CLIP1: variants seen among roughly 807,000 people sequenced by gnomAD.
The protein encoded by CLIP1 is CAP-Gly domain containing linker protein 1.
In CLIP1, 66 loss-of-function variants were observed where a neutral mutation model predicts 161.6. The observed-to-expected ratio is 0.41, with a 90% CI of 0.33 to 0.50. The LOEUF (loss-of-function observed/expected upper bound fraction) is 0.50, where lower values mean the gene tolerates loss of function less well. Ranked by LOEUF, CLIP1 falls within the 20% of genes least tolerant of loss-of-function variation. The pLI is 0.27. For missense variants in CLIP1, 1,376 were observed against 1,702.0 expected (o/e 0.81, Z 3.37); for synonymous variants, 598 against 626.2 (o/e 0.96, Z 0.67).
At chr12:122,312,917 T>G (rs1350523147) in intron 19 of CLIP1, among the ~76,000 whole-genome samples, 1 of 152,152 alleles carries the variant, frequency 6.6e-6, no homozygotes, top group African/African-American at 2.4e-5. Flanking sequence ...CTGCTCATTC[T>G]CCAGCTTTGA....
chr12:122,320,701 G>A (rs1951462515), intron 17 of CLIP1, among the ~76,000 whole-genome samples: 1 of 151,672 alleles, frequency 6.6e-6, no homozygotes, highest in Non-Finnish European at 1.5e-5. Context: ...TCCAACCTGG[G>A]TGACAGAGCG....
At chr12:122,340,532 C>T (rs1197336096) in intron 11 of CLIP1, among the ~76,000 whole-genome samples, 1 of 152,058 alleles carries the variant, frequency 6.6e-6, no homozygotes. Flanking sequence ...AACAGGCAAC[C>T]AAAATAAATT....
At chr12:122,373,400 G>A (rs535347558) in intron 3 of CLIP1, among the ~76,000 whole-genome samples, 3 of 151,270 alleles carry the variant, frequency 2.0e-5, no homozygotes, top group Middle Eastern at 3.4e-3. Context: ...TCCAACCTAG[G>A]GGGACAGAGT....
At chr12:122,388,390 T>C (rs562752804) in intron 1 of CLIP1, among the ~76,000 whole-genome samples, 33 of 152,216 alleles carry the variant, frequency 2.2e-4, no homozygotes, top group African/African-American at 6.5e-4. Flanking sequence ...CGGCTAATTT[T>C]TTGTATTTTT....
Position 122,323,723 on chromosome 12 carries a change from A to G in CLIP1, c.3249+4224T>C, listed in dbSNP as rs1198502862. On this transcript the variant is annotated intron_variant, in intron 17 of 25. Transcript: ENST00000620786. The surrounding 1 kb of genome is among the most constrained non-coding windows in gnomAD (Gnocchi z 4.1). ...TATGCACGTGTTATCGAGATTGGAC[A>G]ATTTCTCTAAAGCTGACTTTTTCTC... The G allele has an allele frequency of 6.6e-6, 1 of 152,632 alleles. No homozygotes were observed. The highest frequency in any genetic ancestry group is 2.4e-5 in the African/African-American group (1 of 41,426). 9.5% of individuals were successfully genotyped at this position (152,632 alleles called of 1,614,324 possible). A position where few individuals can be genotyped will look rare whatever the true frequency, so the allele number is the denominator to read the frequency against.
intron 3 of CLIP1, among the ~76,000 whole-genome samples, chr12:122,373,756 A>G (rs1358719728): frequency 6.6e-6 from 1 of 152,214 alleles, no homozygotes; most frequent in Non-Finnish European, 1.5e-5. Flanking sequence ...ACTGTTTTAA[A>G]TTAAGACCTG....
At chr12:122,344,548 T>A (rs1420763131) in intron 10 of CLIP1, among the ~76,000 whole-genome samples, 1 of 152,164 alleles carries the variant, frequency 6.6e-6, no homozygotes, top group Non-Finnish European at 1.5e-5. Flanking sequence ...AACAGTCAAG[T>A]AGAGAAAAAT....
chr12:122,397,909 T>G, intron 1 of CLIP1, among the ~76,000 whole-genome samples: 1 of 151,284 alleles, frequency 6.6e-6, no homozygotes, highest in Non-Finnish European at 1.5e-5. Flanking sequence ...GAGCCAAGAT[T>G]GTGCCACTGC....
chr12:122,353,980 C>G (rs1953192189), intron 7 of CLIP1, among the ~76,000 whole-genome samples: 1 of 152,044 alleles, frequency 6.6e-6, no homozygotes, highest in Admixed American at 6.6e-5. Flanking sequence ...CAAATCAAAG[C>G]AGACGCTCTT....
At chr12:122,382,378 A>T (rs1476554460) in intron 1 of CLIP1, among the ~76,000 whole-genome samples, 1 of 151,454 alleles carries the variant, frequency 6.6e-6, no homozygotes, top group Non-Finnish European at 1.5e-5. Flanking sequence ...AAAAAAAATT[A>T]GCCAGGCGTT....
intron 15 of CLIP1, among the ~76,000 whole-genome samples, chr12:122,332,610 A>G (rs988883232): frequency 6.6e-6 from 1 of 152,000 alleles, no homozygotes; most frequent in Admixed American, 6.6e-5. Context: ...TAGTGGAGAC[A>G]AGGTTTCGCC....
intron 1 of CLIP1, among the ~76,000 whole-genome samples, chr12:122,419,926 C>CAA (rs5801469): frequency 0.039 from 3,086 of 79,292 alleles, 168 homozygotes; most frequent in African/African-American, 0.12. Context: ...GACTCTGTCT[C>CAA]AAAAAAAAAA....
chr12:122,272,146 A>G lies in CLIP1; in HGVS notation c.*729T>C, dbSNP rs1955206852. 6.6e-6 allele frequency: 1 copy of G among 152,416 alleles called. No homozygotes were observed. Among genetic ancestry groups the G allele is most frequent in the African/African-American group, 2.4e-5 (1 of 41,464 alleles). The allele number at this position is 152,416 out of a possible 1,614,324, so 9.4% of individuals were successfully genotyped here. ...TGTGTATGTTTTTTTCCCAAAATAT[A>G]GATTTTTAAAAAATATATACATACA... is the stretch of plus-strand genomic sequence containing the variant. On this transcript the variant is annotated 3_prime_UTR_variant, in exon 26 of 26. Transcript: ENST00000620786.
chr12:122,350,214 G>A (rs1952966014), intron 9 of CLIP1, among the ~76,000 whole-genome samples: 1 of 152,040 alleles, frequency 6.6e-6, no homozygotes, highest in South Asian at 2.1e-4. Context: ...CAAAAGTTTA[G>A]TCTTGAGTTG....
At chr12:122,307,692 A>G (rs1240164770) in intron 20 of CLIP1, among the ~76,000 whole-genome samples, 1 of 152,232 alleles carries the variant, frequency 6.6e-6, no homozygotes, top group African/African-American at 2.4e-5. Flanking sequence ...TGATACAATA[A>G]AAGAGTAACA....
intron 20 of CLIP1, among the ~76,000 whole-genome samples, chr12:122,295,828 T>C (rs7970027): frequency 0.47 from 72,144 of 152,092 alleles, 19,912 homozygotes; most frequent in African/African-American, 0.76. Flanking sequence ...GTTATATCTT[T>C]CTGATGGATT....
At chr12:122,297,575 T>C (rs1427372933) in intron 20 of CLIP1, among the ~76,000 whole-genome samples, 2 of 152,204 alleles carry the variant, frequency 1.3e-5, no homozygotes. Context: ...TATTTTAGTC[T>C]CTTCTCGAAC....
At chr12:122,278,992 C>T (rs781720842) in intron 22 of CLIP1, 36 bp downstream of exon 22, 18 of 1,605,572 alleles carry the variant, frequency 1.1e-5, no homozygotes, top group African/African-American at 1.3e-5. Flanking sequence ...GAAAGGAGGC[C>T]GCGTGAAAGC....
intron 1 of CLIP1, among the ~76,000 whole-genome samples, chr12:122,383,553 C>T (rs149607143): frequency 1.6e-4 from 25 of 152,278 alleles, no homozygotes; most frequent in South Asian, 8.3e-4. Flanking sequence ...TGAATCCTAA[C>T]GCGGAGAACT....
Sources: gnomAD v4.1 joint callset for allele counts (sites outside exome capture counted in the v4.1 genomes callset) on GRCh38, gnomAD v4.1.1 for gene constraint, Gnocchi (gnomAD v3.1) non-coding constraint, MANE v1.5 for transcripts, NCBI Gene and HGNC (gene_info 2026-07-23, HGNC 2026-07-21) for gene names.